The following INPP4B variants were observed in gnomAD, a reference collection of about 807,000 sequenced individuals.
INPP4B encodes the protein inositol polyphosphate-4-phosphatase type II B, also known as inositol polyphosphate 4-phosphatase type II.
INPP4B carries 55 observed loss-of-function variants against 122.5 expected under a neutral mutation model. The ratio of observed to expected loss-of-function variants is 0.45; its 90% CI spans 0.36 to 0.56. The LOEUF is 0.56. INPP4B is among the 20% of genes least tolerant of loss of function. The pLI, the probability that INPP4B is intolerant of heterozygous loss-of-function variation, is 0.00. For missense variants in INPP4B, 1,000 were observed against 1,097.7 expected, an observed-to-expected ratio of 0.91 and a Z score of 1.26; for synonymous variants, 403 against 388.7, an observed-to-expected ratio of 1.04 and a Z score of -0.43.
intron 2 of INPP4B, among the ~76,000 whole-genome samples, chr4:142,466,685 A>C (rs1817849708): frequency 6.6e-6 from 1 of 152,218 alleles, no homozygotes; most frequent in African/African-American, 2.4e-5. Context: ...CAAATATCTA[A>C]TACAATGGGA....
rs538388393 is a variant in INPP4B at position 142,110,836 on chromosome 4, T to C, written c.2276+1706A>G. Among the ~76,000 whole-genome samples the C allele has an allele frequency of 3.1e-4, 47 of 152,280 alleles. No homozygotes were observed. In the South Asian group the frequency reaches 9.7e-3, roughly 32 times the overall value. On this transcript the variant is annotated intron_variant, in intron 22 of 25. Coordinates refer to ENST00000262992, the MANE Select transcript of INPP4B (RefSeq NM_001101669.3). ...ATGAATGATGCAAATTAGTCCATCT[T>C]AGAAGCCTTGAAAATATAATGCTGA... is the stretch of plus-strand genomic sequence containing the variant.
chr4:142,502,315 A>C (rs1268284307), intron 2 of INPP4B, among the ~76,000 whole-genome samples: 1 of 152,044 alleles, frequency 6.6e-6, no homozygotes, highest in African/African-American at 2.4e-5. Flanking sequence ...CTGAACCCAA[A>C]TTTTTAGCCT....
chr4:142,635,090 A>G (rs763934341), intron 2 of INPP4B, among the ~76,000 whole-genome samples: 1 of 152,188 alleles, frequency 6.6e-6, no homozygotes, highest in Non-Finnish European at 1.5e-5. Context: ...CATGTGGCCA[A>G]CAAACATATG....
chr4:142,607,607 G>C (rs2150323314), intron 2 of INPP4B, among the ~76,000 whole-genome samples: 1 of 152,144 alleles, frequency 6.6e-6, no homozygotes, highest in African/African-American at 2.4e-5. Context: ...ATTTTTTCCA[G>C]ATGTCTATGT....
At chr4:142,263,265 A>G (rs964882306) in intron 10 of INPP4B, among the ~76,000 whole-genome samples, 8 of 152,042 alleles carry the variant, frequency 5.3e-5, no homozygotes, top group African/African-American at 1.9e-4. Flanking sequence ...GGGTTTTCTC[A>G]TTTTTCACCT....
intron 3 of INPP4B, among the ~76,000 whole-genome samples, chr4:142,448,169 T>C (rs1813317652): frequency 6.6e-6 from 1 of 151,984 alleles, no homozygotes; most frequent in South Asian, 2.1e-4. Flanking sequence ...GGGTGCTGAA[T>C]GGACCTCTGG....
At chr4:142,779,452 A>G (rs554303950) in intron 1 of INPP4B, among the ~76,000 whole-genome samples, 25 of 152,300 alleles carry the variant, frequency 1.6e-4, no homozygotes, top group African/African-American at 6.0e-4. Context: ...GGAAGTTATA[A>G]TAAAAGAAAA....
intron 16 of INPP4B, among the ~76,000 whole-genome samples, chr4:142,163,145 C>A (rs1212520524): frequency 6.6e-6 from 1 of 151,730 alleles, no homozygotes; most frequent in Non-Finnish European, 1.5e-5. Context: ...TTTGCTTTCC[C>A]ATGGTTTCAG....
At chr4:142,271,530 T>C (rs1381359026) in intron 9 of INPP4B, among the ~76,000 whole-genome samples, 5 of 152,230 alleles carry the variant, frequency 3.3e-5, no homozygotes, top group Non-Finnish European at 7.3e-5. Flanking sequence ...GACTGGGCTA[T>C]TGGCTACAAA....
At chr4:142,200,350 C>T (rs563316920) in intron 14 of INPP4B, among the ~76,000 whole-genome samples, 1 of 151,852 alleles carries the variant, frequency 6.6e-6, no homozygotes, top group African/African-American at 2.4e-5. Context: ...CTGACCCAGC[C>T]CTGCAATCAA....
chr4:142,090,089 A>G (rs567849079), intron 23 of INPP4B, among the ~76,000 whole-genome samples: 2 of 152,266 alleles, frequency 1.3e-5, no homozygotes, highest in South Asian at 4.1e-4. Flanking sequence ...TATCAAAATA[A>G]TTTTGTTTCA....
At chr4:142,671,445 T>A (rs1175913089) in intron 2 of INPP4B, among the ~76,000 whole-genome samples, 1 of 152,136 alleles carries the variant, frequency 6.6e-6, no homozygotes, top group Non-Finnish European at 1.5e-5. Flanking sequence ...CCTCCAATAT[T>A]TTGCTCTTAC....
chr4:142,251,588 T>C (rs1732082327), intron 11 of INPP4B, among the ~76,000 whole-genome samples: 1 of 152,204 alleles, frequency 6.6e-6, no homozygotes, highest in Admixed American at 6.5e-5. Context: ...CAATATTATA[T>C]CTTTCATTAA....
Position 142,305,477 on chromosome 4 carries a change from A to G in INPP4B, c.484T>C (p.Leu162=). ...ACCCACCTCAGGCTCAGGACCAGCA[A>G]TTGCTCCTTTGACTTCAGCAGCTCT... The part of the protein sequence containing the change: ...VGELLKSKEQ[L]LVLSLRTSDG... Residue 162 remains leucine, a synonymous_variant, in exon 9 of 26, where the codon TTG becomes CTG. Coordinates refer to ENST00000262992, the MANE Select transcript of INPP4B (RefSeq NM_001101669.3). 1 of 1,612,670 alleles carries G rather than the reference A, an allele frequency of 6.2e-7. No homozygotes were observed. The highest frequency in any genetic ancestry group is 1.1e-5 in the South Asian group (1 of 91,006).
At chr4:142,351,421 T>C (rs1781897271) in intron 7 of INPP4B, among the ~76,000 whole-genome samples, 1 of 152,034 alleles carries the variant, frequency 6.6e-6, no homozygotes, top group South Asian at 2.1e-4. Context: ...ATTTAATATC[T>C]ATGTTCAAAT....
intron 7 of INPP4B, among the ~76,000 whole-genome samples, chr4:142,340,499 C>T (rs1778328140): frequency 2.6e-5 from 4 of 152,190 alleles, no homozygotes; most frequent in Middle Eastern, 3.4e-3. Flanking sequence ...CCTCCAACTC[C>T]GGGGCTCAAG....
chr4:142,086,187 G>T lies in INPP4B; in HGVS notation c.2444C>A (p.Ser815Tyr), dbSNP rs2152545828. The T allele has an allele frequency of 6.2e-7, 1 of 1,603,016 alleles. No homozygotes were observed. Among genetic ancestry groups the T allele is most frequent in the Non-Finnish European group, 8.5e-7 (1 of 1,170,354 alleles). Reference protein sequence around the residue: ...LLENLLQNIQSKKRKNVEIMW... With the variant: ...LLENLLQNIQYKKRKNVEIMW... ...AATTTCTACATTCTTTCTTTTTTTGGATTGGATATTTTGAAGGAGATTTTC... is the reference window on the plus strand; with the variant it reads ...AATTTCTACATTCTTTCTTTTTTTGTATTGGATATTTTGAAGGAGATTTTC... The change falls in exon 24 of 26, where the codon TCC (serine) becomes TAC (tyrosine). Residue 815 changes from serine to tyrosine, a missense_variant. Coordinates refer to ENST00000262992, the MANE Select transcript of INPP4B (RefSeq NM_001101669.3).
At chr4:142,719,481 G>A (rs538819457) in intron 2 of INPP4B, among the ~76,000 whole-genome samples, 21 of 151,856 alleles carry the variant, frequency 1.4e-4, no homozygotes, top group African/African-American at 4.8e-4. Context: ...CCCGTCACAT[G>A]CCCAGCTAAT....
chr4:142,637,651 T>C (rs1399309064), intron 2 of INPP4B, among the ~76,000 whole-genome samples: 4 of 152,354 alleles, frequency 2.6e-5, no homozygotes, highest in African/African-American at 9.6e-5. Flanking sequence ...ATAAAGCTGC[T>C]GTAAACATTC....
Sources: gnomAD v4.1 joint callset for allele counts (sites outside exome capture counted in the v4.1 genomes callset) on GRCh38, gnomAD v4.1.1 for gene constraint, MANE v1.5 for transcripts, NCBI Gene and HGNC (gene_info 2026-07-23, HGNC 2026-07-21) for gene names.